MAP3K19: variants seen among roughly 807,000 people sequenced by gnomAD.
MAP3K19 encodes mitogen-activated protein kinase kinase kinase 19.
A neutral mutation model predicts 114.4 loss-of-function variants in MAP3K19; 91 were observed. That is an observed-to-expected ratio of 0.80 (90% confidence interval 0.67 to 0.95). The LOEUF (loss-of-function observed/expected upper bound fraction) is 0.95. Ranked by LOEUF, MAP3K19 falls within the 40% of genes least tolerant of loss-of-function variation. MAP3K19 has a pLI of 0.00. For synonymous variants in MAP3K19, 518 were observed against 530.5 expected, an observed-to-expected ratio of 0.98 and a Z score of 0.32; for missense variants, 1,471 against 1,573.2, an observed-to-expected ratio of 0.94 and a Z score of 1.10.
intron 9 of MAP3K19, among the ~76,000 whole-genome samples, chr2:134,990,934 T>C (rs1696862760): frequency 6.6e-6 from 1 of 152,158 alleles, no homozygotes; most frequent in Non-Finnish European, 1.5e-5. Context: ...GTGGCTAACA[T>C]CTGTAACCCT....
intron 5 of MAP3K19, among the ~76,000 whole-genome samples, chr2:135,012,414 A>C (rs944085640): frequency 4.6e-5 from 7 of 152,168 alleles, no homozygotes; most frequent in African/African-American, 1.7e-4. Context: ...CTACTTAGAA[A>C]ATTTATAAAT....
chr2:134,976,555 T>A (rs950738923), intron 12 of MAP3K19, among the ~76,000 whole-genome samples: 10 of 152,212 alleles, frequency 6.6e-5, no homozygotes, highest in African/African-American at 1.4e-4. Flanking sequence ...AATGTGCTTA[T>A]CTACTTGCTA....
At chr2:134,968,500 C>T (rs1683576531) in intron 12 of MAP3K19, among the ~76,000 whole-genome samples, 1 of 149,372 alleles carries the variant, frequency 6.7e-6, no homozygotes, top group African/African-American at 2.5e-5. Context: ...TGACCCCCCA[C>T]CTCCCTCCCG....
chr2:134,996,602 A>C (rs1686011355), intron 8 of MAP3K19, among the ~76,000 whole-genome samples: 1 of 152,144 alleles, frequency 6.6e-6, no homozygotes, highest in South Asian at 2.1e-4. Context: ...TCTAAGACAA[A>C]ACCTGAAGGA....
At chr2:134,977,046 G>A (rs1161846159) in intron 12 of MAP3K19, among the ~76,000 whole-genome samples, 13 of 133,168 alleles carry the variant, frequency 9.8e-5, no homozygotes, top group African/African-American at 3.8e-4. Flanking sequence ...ACTCCGTCTC[G>A]GAAAAAAAAA....
At chr2:134,997,076 C>CA (rs1240953417) in intron 8 of MAP3K19, among the ~76,000 whole-genome samples, 1 of 151,816 alleles carries the variant, frequency 6.6e-6, no homozygotes, top group Non-Finnish European at 1.5e-5. Flanking sequence ...AACAAACAAA[C>CA]AAAAAACAAA....
chr2:134,968,683 G>T (rs943731421), intron 12 of MAP3K19, among the ~76,000 whole-genome samples: 1 of 151,302 alleles, frequency 6.6e-6, no homozygotes, highest in Non-Finnish European at 1.5e-5. Flanking sequence ...GGTCGCGGCC[G>T]GGCAGAGGCG....
intron 9 of MAP3K19, among the ~76,000 whole-genome samples, chr2:134,989,996 C>A (rs1269443837): frequency 6.6e-6 from 1 of 151,862 alleles, no homozygotes. Flanking sequence ...GCAGGAGAAA[C>A]GCTTGAACCC....
chr2:135,046,541 G>A (rs1688748785), intron 1 of MAP3K19, among the ~76,000 whole-genome samples: 1 of 152,174 alleles, frequency 6.6e-6, no homozygotes, highest in Non-Finnish European at 1.5e-5. Context: ...CTCCCAAAGT[G>A]CTAGGATTAC....
At chr2:135,033,807 T>C (rs1289682087) in intron 2 of MAP3K19, among the ~76,000 whole-genome samples, 5 of 4,862 alleles carry the variant, frequency 1.0e-3, no homozygotes, top group African/African-American at 4.3e-3. Context: ...CCGGACGGGG[T>C]GGCTGGCCGG....
At chr2:134,985,200 A>G (rs954011637) in intron 10 of MAP3K19, among the ~76,000 whole-genome samples, 2 of 152,242 alleles carry the variant, frequency 1.3e-5, no homozygotes, top group African/African-American at 2.4e-5. Flanking sequence ...ATTTTTGCTT[A>G]CACTTCCATG....
chr2:134,989,445 A>T (rs561616575), intron 9 of MAP3K19, among the ~76,000 whole-genome samples: 29 of 152,340 alleles, frequency 1.9e-4, no homozygotes, highest in African/African-American at 7.0e-4. Context: ...TTAAAAGTAG[A>T]TGAGATGTAG....
At chr2:135,031,685 A>T (rs1688383656) in intron 2 of MAP3K19, among the ~76,000 whole-genome samples, 1 of 152,204 alleles carries the variant, frequency 6.6e-6, no homozygotes, top group South Asian at 2.1e-4. Flanking sequence ...CAGGGAGAGG[A>T]CTACCACAGT....
intron 12 of MAP3K19, among the ~76,000 whole-genome samples, chr2:134,978,668 C>A (rs56858653): frequency 9.2e-5 from 14 of 152,058 alleles, no homozygotes; most frequent in Non-Finnish European, 1.6e-4. Context: ...AATGTGAAAT[C>A]CTATCATTCT....
intron 3 of MAP3K19, among the ~76,000 whole-genome samples, chr2:135,029,395 C>A (rs1157776721): frequency 3.3e-5 from 5 of 151,898 alleles, no homozygotes; most frequent in African/African-American, 9.7e-5. Flanking sequence ...AACAAACAAA[C>A]AAAAAAACAT....
At chr2:135,037,916 C>T (rs898007145) in intron 2 of MAP3K19, among the ~76,000 whole-genome samples, 17 of 152,230 alleles carry the variant, frequency 1.1e-4, no homozygotes, top group Admixed American at 7.8e-4. Context: ...AACACACTGC[C>T]CTTTTTCTCT....
intron 12 of MAP3K19, among the ~76,000 whole-genome samples, chr2:134,978,189 AT>A (rs113734947): frequency 0.25 from 34,457 of 136,896 alleles, 4,075 homozygotes; most frequent in Middle Eastern, 0.59. Context: ...CCTTATAATG[AT>A]TTTTTTTTTT....
chr2:135,017,653 G>A (rs776120385), intron 5 of MAP3K19, among the ~76,000 whole-genome samples: 10 of 152,086 alleles, frequency 6.6e-5, no homozygotes, highest in African/African-American at 9.7e-5. Flanking sequence ...AACTCCCAAC[G>A]TCTGCAGTAC....
At chr2:134,995,852 TA>T (rs1352144752) in intron 8 of MAP3K19, among the ~76,000 whole-genome samples, 8 of 152,164 alleles carry the variant, frequency 5.3e-5, no homozygotes, top group African/African-American at 1.9e-4. Context: ...TAAATCTTAA[TA>T]GATGAAGCCC....
Sources: gnomAD v4.1 joint callset for allele counts (sites outside exome capture counted in the v4.1 genomes callset) on GRCh38, gnomAD v4.1.1 for gene constraint, MANE v1.5 for transcripts, NCBI Gene and HGNC (gene_info 2026-07-23, HGNC 2026-07-21) for gene names.